ACAD10: variants seen among roughly 807,000 people sequenced by gnomAD.
The protein encoded by ACAD10 is ACAD-10.
Under a neutral mutation model 116.8 loss-of-function variants are expected in ACAD10, and 112 were observed. The observed-to-expected ratio is 0.96, with a 90% CI of 0.82 to 1.12. ACAD10 has a LOEUF of 1.12. ACAD10 is among the 50% of genes most tolerant of loss of function. ACAD10 has a pLI of 0.00. For missense variants in ACAD10, 1,259 were observed against 1,350.2 expected, an observed-to-expected ratio of 0.93 and a Z score of 1.06; for synonymous variants, 486 against 510.6, an observed-to-expected ratio of 0.95 and a Z score of 0.65.
chr12:111,719,004 C>T (rs1481914406), intron 7 of ACAD10, among the ~76,000 whole-genome samples: 6 of 151,852 alleles, frequency 4.0e-5, no homozygotes, highest in Non-Finnish European at 4.4e-5. Context: ...AATCTCGAGG[C>T]TGAGGCAGGA....
chr12:111,733,921 A>G lies in ACAD10; in HGVS notation c.1395-2A>G. 2 of 1,614,144 alleles carry G rather than the reference A, an allele frequency of 1.2e-6. No individual in the cohort carries two copies. The highest frequency in any genetic ancestry group is 1.7e-6 in the Non-Finnish European group (2 of 1,180,034). On this transcript the variant is annotated splice_acceptor_variant, in intron 10 of 20. Coordinates refer to ENST00000313698, the MANE Select transcript of ACAD10 (RefSeq NM_025247.6). LOFTEE classifies it high-confidence loss of function. ...GTCTCTATTCCTCCTGCGACTTTTC[A>G]GGCTCGACAACCTGGTGTTTCATCC...
At chr12:111,755,851 T>C (rs1469475316) in intron 20 of ACAD10, 106 bp downstream of exon 20, 1 of 1,120,538 alleles carries the variant, frequency 8.9e-7, no homozygotes, top group Non-Finnish European at 1.3e-6. Context: ...AGATGCCCTG[T>C]GTCACCCACT....
At chr12:111,709,428 T>G in intron 4 of ACAD10, 98 bp from the exon 5 acceptor site, 1 of 1,004,368 alleles carries the variant, frequency 1.0e-6, no homozygotes, top group South Asian at 2.0e-5. Flanking sequence ...AAATCTCAAC[T>G]GTCCTTCTTA....
intron 10 of ACAD10, among the ~76,000 whole-genome samples, chr12:111,730,798 C>G (rs1172099077): frequency 1.3e-5 from 2 of 150,870 alleles, no homozygotes; most frequent in Non-Finnish European, 2.9e-5. Context: ...GTCGCCCAGG[C>G]TGGAGTGCAG....
At chr12:111,723,711 G>A (rs1021104662) in intron 8 of ACAD10, among the ~76,000 whole-genome samples, 2 of 150,320 alleles carry the variant, frequency 1.3e-5, no homozygotes, top group African/African-American at 2.4e-5. Context: ...CCTCCCGGAC[G>A]GGGTGGCTGC....
At chr12:111,719,354 A>G (rs1398069694) in intron 7 of ACAD10, among the ~76,000 whole-genome samples, 8 of 152,052 alleles carry the variant, frequency 5.3e-5, no homozygotes, top group Admixed American at 4.6e-4. Flanking sequence ...CCTGGGTTCA[A>G]GCAATTCTCC....
chr12:111,718,770 C>T (rs891472988), intron 7 of ACAD10, among the ~76,000 whole-genome samples: 8 of 152,066 alleles, frequency 5.3e-5, no homozygotes, highest in Non-Finnish European at 8.8e-5. Flanking sequence ...TGAGCCTCTG[C>T]GCCTGGCCTG....
rs781695626 is a variant in ACAD10, at chr12:111,744,839, C to T, written c.1911C>T (p.Ser637=). ...GCCCCACAGGCAGCAGGAGTTATAG[C>T]TCCGTTCCAGAAGCTTCCCCAGCTC... ...QWCPTGSRSY[S]SVPEASPAHT... is the part of the protein sequence containing the mutation. The change falls in exon 13 of 21, where the codon AGC becomes AGT. Residue 637 remains serine (S), a synonymous_variant. Transcript: ENST00000313698. 14 of 1,614,122 alleles carry T rather than the reference C, an allele frequency of 8.7e-6. No individual in the cohort carries two copies. In the South Asian group the frequency reaches 1.5e-4, roughly 18 times the overall value.
intron 4 of ACAD10, among the ~76,000 whole-genome samples, chr12:111,706,762 T>TTATATA (rs1207421681): frequency 1.5e-5 from 2 of 131,592 alleles, no homozygotes; most frequent in Non-Finnish European, 3.1e-5. Context: ...ATTTATTTTT[T>TTATATA]TATATATATA....
chr12:111,729,934 A>G lies in ACAD10; in HGVS notation c.1372A>G (p.Thr458Ala). 6.2e-7 allele frequency: 1 copy of G among 1,614,084 alleles called. No homozygotes were observed. Among genetic ancestry groups the G allele is most frequent in the Non-Finnish European group, 8.5e-7 (1 of 1,179,986 alleles). The change falls in exon 10 of 21, where the codon ACA becomes GCA. Residue 458 changes from threonine (T) to alanine (A), a missense_variant. Coordinates refer to ENST00000313698, the MANE Select transcript of ACAD10 (RefSeq NM_025247.6). ...PLHLPRQQRT[T>A]VVHGDFRLDN... The stretch of plus-strand genomic sequence containing the variant: ...CCATCTTCCCCGTCAGCAGAGGACC[A>G]CAGTGGTGCACGGGGACTTCAGGTA...
rs777923048 is a variant in ACAD10 at position 111,721,660 on chromosome 12, T to A, written c.993-11T>A. 11 of 1,584,332 alleles carry A rather than the reference T, an allele frequency of 6.9e-6. No individual in the cohort carries two copies. Among genetic ancestry groups the A allele is most frequent in the Non-Finnish European group, 8.6e-6 (10 of 1,159,532 alleles). On this transcript the variant is annotated splice_polypyrimidine_tract_variant and intron_variant, in intron 7 of 20. Transcript: ENST00000313698. ...GCCAGCAATTTTGTTTATTTTCATT[T>A]GTCCTTGCAGGATTATGAAAGCCCT...
intron 20 of ACAD10, 164 bp from the exon 21 acceptor site, chr12:111,756,169 C>T: frequency 1.1e-5 from 16 of 1,427,190 alleles, no homozygotes; most frequent in Non-Finnish European, 1.5e-5. Flanking sequence ...GCAGGTGTGG[C>T]CCCATGGAAG....
rs749479402 is a variant in ACAD10 at position 111,756,313 on chromosome 12, C to G, written c.3040-20C>G. 1.9e-6 allele frequency: 3 copies of G among 1,577,326 alleles called. No individual in the cohort carries two copies. The highest frequency in any genetic ancestry group is 2.3e-5 in the South Asian group (2 of 87,460). On this transcript the variant is annotated intron_variant, in intron 20 of 20. Coordinates refer to ENST00000313698, the MANE Select transcript of ACAD10 (RefSeq NM_025247.6). ...CAAGGGCTGACCCAGGGCCGCCTCC[C>G]TCCACTCTGTGTCTGCCAGGCCTTT... is the stretch of plus-strand genomic sequence containing the variant.
At chr12:111,719,639 G>C (rs902191235) in intron 7 of ACAD10, among the ~76,000 whole-genome samples, 2 of 150,232 alleles carry the variant, frequency 1.3e-5, no homozygotes, top group African/African-American at 4.9e-5. Flanking sequence ...TGCAACCTCC[G>C]CCTCCTGGGT....
intron 2 of ACAD10, among the ~76,000 whole-genome samples, chr12:111,695,275 C>T (rs1888163886): frequency 6.6e-6 from 1 of 152,184 alleles, no homozygotes; most frequent in African/African-American, 2.4e-5. Flanking sequence ...CTGTTCAAAT[C>T]CTACTGATGC....
At chr12:111,697,559 C>T (rs1950650419) in intron 2 of ACAD10, among the ~76,000 whole-genome samples, 1 of 149,438 alleles carries the variant, frequency 6.7e-6, no homozygotes, top group Non-Finnish European at 1.5e-5. Context: ...CAGGGTTTCG[C>T]CATGTTGACC....
chr12:111,756,416 C>T lies in ACAD10; in HGVS notation c.3123C>T (p.Gly1041=). 6.2e-7 allele frequency: 1 copy of T among 1,612,702 alleles called. No homozygotes were observed. Among genetic ancestry groups the T allele is most frequent in the South Asian group, 1.1e-5 (1 of 90,906 alleles). ...CCCGAGCCCTGCGCTTTGCCGACGG[C>T]CCTGACGAGGTGCACCGGGCCACGG... ...TWARALRFAD[G]PDEVHRATVA... is the part of the protein sequence containing the mutation. Residue 1041 remains glycine (G), a synonymous_variant, in exon 21 of 21, where the codon GGC becomes GGT. Coordinates refer to ENST00000313698, the MANE Select transcript of ACAD10 (RefSeq NM_025247.6).
intron 6 of ACAD10, among the ~76,000 whole-genome samples, chr12:111,713,537 A>G (rs1294888349): frequency 6.6e-6 from 1 of 151,328 alleles, no homozygotes; most frequent in East Asian, 1.9e-4. Flanking sequence ...AGGCACAACA[A>G]TTGCTTGAAC....
chr12:111,708,029 C>G (rs1888562751), intron 4 of ACAD10, among the ~76,000 whole-genome samples: 1 of 152,218 alleles, frequency 6.6e-6, no homozygotes, highest in African/African-American at 2.4e-5. Context: ...CAGACAGCCT[C>G]TGTCATGCTT....
Sources: allele counts gnomAD v4.1 joint callset (sites outside exome capture counted in the v4.1 genomes callset), GRCh38; gene constraint gnomAD v4.1.1; transcripts MANE v1.5; gene names NCBI Gene and HGNC (gene_info 2026-07-23, HGNC 2026-07-21).